TRIM9: variants seen among roughly 807,000 people sequenced by gnomAD.
The protein encoded by TRIM9 is tripartite motif containing 9.
In TRIM9, 26 loss-of-function variants were observed where a neutral mutation model predicts 78.3. The ratio of observed to expected loss-of-function variants is 0.33; its 90% CI spans 0.24 to 0.46. The LOEUF (loss-of-function observed/expected upper bound fraction) is 0.46, where lower values mean the gene tolerates loss of function less well. TRIM9 is among the 20% of genes least tolerant of loss of function. The probability of loss-of-function intolerance (pLI) is 1.00; values close to 1 mark genes in which losing one functional copy is unlikely to be tolerated. For missense variants in TRIM9, 787 were observed against 1,036.4 expected, an observed-to-expected ratio of 0.76 and a Z score of 3.30; for synonymous variants, 398 against 416.5, an observed-to-expected ratio of 0.96 and a Z score of 0.54.
At chr14:51,071,663 A>C (rs938458496) in intron 1 of TRIM9, among the ~76,000 whole-genome samples, 3 of 151,934 alleles carry the variant, frequency 2.0e-5, no homozygotes, top group African/African-American at 7.3e-5. Flanking sequence ...AAAATTAACC[A>C]GGCGTGGTGG....
At chr14:50,999,416 C>T (rs1202930026) in intron 6 of TRIM9, among the ~76,000 whole-genome samples, 1 of 151,896 alleles carries the variant, frequency 6.6e-6, no homozygotes, top group Non-Finnish European at 1.5e-5. Flanking sequence ...GAAATGGAAC[C>T]TGAGGCCCTT....
chr14:50,992,369 G>A (rs1432837545), intron 7 of TRIM9, among the ~76,000 whole-genome samples: 1 of 151,996 alleles, frequency 6.6e-6, no homozygotes, highest in East Asian at 1.9e-4. Context: ...CTTGAGGCCG[G>A]GAGTTTGAGA....
intron 1 of TRIM9, among the ~76,000 whole-genome samples, chr14:51,091,783 C>T (rs1334935982): frequency 1.3e-5 from 2 of 152,116 alleles, no homozygotes; most frequent in Non-Finnish European, 2.9e-5. Context: ...GGTCTTCTAG[C>T]CTACTTATGT....
At chr14:50,986,331 C>T (rs563718226) in intron 7 of TRIM9, 187 bp from the exon 8 acceptor site, 2 of 417,264 alleles carry the variant, frequency 4.8e-6, no homozygotes, top group Non-Finnish European at 4.1e-6. Flanking sequence ...CAGATCAGGA[C>T]CCAAGACCAG....
At chr14:51,022,980 C>G (rs1434683250) in intron 2 of TRIM9, 23 bp from the exon 3 acceptor site, 1 of 1,612,770 alleles carries the variant, frequency 6.2e-7, no homozygotes. Flanking sequence ...GCACATTTCT[C>G]AACTGCAAGC....
Position 50,979,393 on chromosome 14 carries a change from G to A in TRIM9, c.2319C>T (p.Asn773=), listed in dbSNP as rs780667250. The change falls in exon 12 of 13, where the codon AAC becomes AAT. Residue 773 remains asparagine, a synonymous_variant. Coordinates refer to ENST00000684578, the MANE Select transcript of TRIM9 (RefSeq NM_001387360.1). ...LFFPAVSLNR[N]VQVTLHTGLP... ...TCAGGGGCAGGGTGCTTACCTGCAC[G>A]TTCCTGTTCAGGCTGACCGCAGGGA... is the stretch of plus-strand genomic sequence containing the variant. The A allele has an allele frequency of 8.1e-6, 13 of 1,614,196 alleles. No homozygotes were observed. Among genetic ancestry groups the A allele is most frequent in the East Asian group, 6.7e-5 (3 of 44,882 alleles).
chr14:50,978,442 C>G (rs2051349037), intron 12 of TRIM9, among the ~76,000 whole-genome samples: 1 of 152,206 alleles, frequency 6.6e-6, no homozygotes, highest in African/African-American at 2.4e-5. Flanking sequence ...AAGAGTCTCT[C>G]CACCATTCCT....
chr14:51,028,541 T>A (rs2058454372), intron 1 of TRIM9, among the ~76,000 whole-genome samples: 1 of 152,244 alleles, frequency 6.6e-6, no homozygotes, highest in African/African-American at 2.4e-5. Context: ...AGAGCAGTGC[T>A]GGAAATTTAT....
rs761955079 is a variant in TRIM9, at chr14:50,979,534, G to A, written c.2178C>T (p.Ile726=). ...GGACCCCAATTGTGGCCCCTTTTGT[G>A]ATCCCTCCCTCAGTTCTGTAGGAAA... ...NSHTNRTEGG[I]TKGATIGVLL... The change falls in exon 12 of 13, where the codon ATC becomes ATT. Residue 726 remains isoleucine, a synonymous_variant. Transcript: ENST00000684578. The A allele has an allele frequency of 6.2e-7, 1 of 1,613,828 alleles. No homozygotes were observed. Among genetic ancestry groups the A allele is most frequent in the African/African-American group, 1.3e-5 (1 of 74,862 alleles).
At position 50,995,869 on chromosome 14, in the gene TRIM9, G is replaced by A. The variant is rs184574030; in HGVS notation, c.1603+2181C>T. On this transcript the variant is annotated intron_variant, in intron 7 of 12. Transcript: ENST00000684578. ...TGAATGTACCAAAACTCTGTTAATA[G>A]CATTTTTCTCACTGATTTCTAAAAA... 1.4e-3 allele frequency among the ~76,000 whole-genome samples: 216 copies of A among 152,150 alleles called. 1 individual carries two copies. The highest frequency in any genetic ancestry group is 1.5e-3 in the Non-Finnish European group (104 of 67,994).
At position 51,094,128 on chromosome 14, in the gene TRIM9, T is replaced by C. The variant is rs779989739; in HGVS notation, c.812A>G (p.Lys271Arg). 3 of 1,612,648 alleles carry C rather than the reference T, an allele frequency of 1.9e-6. No homozygotes were observed. The highest frequency in any genetic ancestry group is 2.5e-6 in the Non-Finnish European group (3 of 1,178,886). ...TTTCTTAGGACTCACCTTATGTAGT[T>C]TCCACATGGCCCCCAGAGCCTTGAC... ...HEVKALGAMW[K>R]LHKSQLSQAL... The change falls in exon 1 of 13, where the codon AAA becomes AGA. Residue 271 changes from lysine to arginine, a missense_variant. Coordinates refer to ENST00000684578, the MANE Select transcript of TRIM9 (RefSeq NM_001387360.1).
chr14:51,067,966 C>T (rs546816883), intron 1 of TRIM9, among the ~76,000 whole-genome samples: 5 of 152,264 alleles, frequency 3.3e-5, no homozygotes, highest in East Asian at 1.9e-4. Flanking sequence ...AAATTACTGA[C>T]GCATAGCAGG....
chr14:51,014,465 C>G (rs926724593), intron 3 of TRIM9, among the ~76,000 whole-genome samples: 1 of 152,122 alleles, frequency 6.6e-6, no homozygotes, highest in Admixed American at 6.5e-5. Context: ...TTTAATCAAC[C>G]ATTCACAATG....
At chr14:51,078,333 A>C (rs1159799259) in intron 1 of TRIM9, among the ~76,000 whole-genome samples, 1 of 152,228 alleles carries the variant, frequency 6.6e-6, no homozygotes, top group African/African-American at 2.4e-5. Context: ...TTCAAATCCA[A>C]TATTTATACA....
rs200506401 is a variant in TRIM9 at position 51,000,697 on chromosome 14, C to T, written c.1450G>A (p.Gly484Ser). The change falls in exon 6 of 13, where the codon GGT becomes AGT. Residue 484 changes from glycine to serine, a missense_variant. Physicochemically the swap from Gly to Ser is moderately conservative, Grantham distance 56. Around this residue, in one of 3 missense-constraint regions of TRIM9, gnomAD observed 421 missense variants for 514.3 expected, o/e 0.82. Transcript: ENST00000684578. ...TGTCTACTGACCCGGAATTGACCAC[C>T]GTTGCCATCATCCAGCTCCAGAATG... ...GYILELDDGNGGQFREVYVGK... is the reference protein window; with the variant it reads ...GYILELDDGNSGQFREVYVGK... The T allele has an allele frequency of 4.3e-6, 7 of 1,614,092 alleles. No homozygotes were observed. The highest frequency in any genetic ancestry group is 2.7e-5 in the African/African-American group (2 of 75,062).
At chr14:51,022,503 A>T (rs1050360753) in intron 3 of TRIM9, among the ~76,000 whole-genome samples, 8 of 152,214 alleles carry the variant, frequency 5.3e-5, no homozygotes, top group Non-Finnish European at 1.2e-4. Context: ...ATCAACATAA[A>T]ATGGAGGAAG....
intron 1 of TRIM9, among the ~76,000 whole-genome samples, chr14:51,029,323 A>C (rs1016484677): frequency 1.3e-5 from 2 of 152,180 alleles, no homozygotes; most frequent in African/African-American, 4.8e-5. Context: ...ATGGCTCAGA[A>C]AATGACCCAG....
intron 7 of TRIM9, chr14:50,988,397 G>C (rs983966628): frequency 6.6e-6 from 1 of 152,054 alleles, no homozygotes; most frequent in African/African-American, 2.4e-5. Context: ...CCCCTTTATA[G>C]GGTGGGGACT....
At chr14:51,043,479 A>T (rs1386331948) in intron 1 of TRIM9, among the ~76,000 whole-genome samples, 2 of 152,250 alleles carry the variant, frequency 1.3e-5, no homozygotes, top group Non-Finnish European at 2.9e-5. Context: ...TTGGCCCCAT[A>T]AACACACTTA....
Sources: gnomAD v4.1 joint callset for allele counts (sites outside exome capture counted in the v4.1 genomes callset) on GRCh38, gnomAD v4.1.1 for gene constraint, gnomAD v4.1.1 regional missense constraint, MANE v1.5 for transcripts, NCBI Gene and HGNC (gene_info 2026-07-23, HGNC 2026-07-21) for gene names.